EYA3: variants seen among roughly 807,000 people sequenced by gnomAD.
EYA3 encodes protein phosphatase EYA3.
In EYA3, 39 loss-of-function variants were observed where a neutral mutation model predicts 80.0. That is an observed-to-expected ratio of 0.49 (90% CI 0.38 to 0.64). The LOEUF (loss-of-function observed/expected upper bound fraction) is 0.64, where lower values mean the gene tolerates loss of function less well. EYA3 is among the 30% of genes least tolerant of loss of function. EYA3 has a pLI of 0.00. For synonymous variants in EYA3, 206 were observed against 232.8 expected (o/e 0.88, Z 1.05); for missense variants, 523 against 676.1 (o/e 0.77, Z 2.51).
chr1:28,040,847 G>A (rs1375934243), intron 4 of EYA3, among the ~76,000 whole-genome samples: 3 of 146,278 alleles, frequency 2.1e-5, no homozygotes, highest in Non-Finnish European at 3.1e-5. Context: ...AGCCAAGGGC[G>A]GAGGGGCAGG....
intron 12 of EYA3, 124 bp downstream of exon 12, chr1:27,999,836 G>A: frequency 1.6e-6 from 1 of 615,846 alleles, no homozygotes; most frequent in South Asian, 2.7e-5. Flanking sequence ...TGCCTTAGTG[G>A]CCAGCTGGCC....
chr1:28,033,289 T>C (rs1414597515), intron 6 of EYA3, among the ~76,000 whole-genome samples: 1 of 152,170 alleles, frequency 6.6e-6, no homozygotes, highest in Non-Finnish European at 1.5e-5. Context: ...CAAGAAAACA[T>C]CTTTTCAAAA....
chr1:28,042,547 T>C (rs1333722304), intron 4 of EYA3, 24 bp downstream of exon 4: 1 of 1,584,992 alleles, frequency 6.3e-7, no homozygotes, highest in Non-Finnish European at 8.7e-7. Flanking sequence ...ATCTGTTCAA[T>C]CATGCACAGA....
chr1:28,088,130 G>C (rs1191383789), intron 1 of EYA3, among the ~76,000 whole-genome samples: 1 of 151,516 alleles, frequency 6.6e-6, no homozygotes, highest in Non-Finnish European at 1.5e-5. Context: ...ACAATGAGAA[G>C]CTGGGCCGTC....
Position 27,991,790 on chromosome 1 carries a change from A to G in EYA3, c.1303+1610T>C, listed in dbSNP as rs1034082599. On this transcript the variant is annotated intron_variant, in intron 14 of 17. Transcript: ENST00000373871. Reference sequence around the variant, plus strand: ...TACAGCTGGCCATTAATTTTAATCTATTCTCCAAAGTAGGCTCAGAGGATT... The same window carrying G: ...TACAGCTGGCCATTAATTTTAATCTGTTCTCCAAAGTAGGCTCAGAGGATT... 6.6e-5 allele frequency among the ~76,000 whole-genome samples: 10 copies of G among 151,720 alleles called. 1 individual carries two copies. The highest frequency in any genetic ancestry group is 2.4e-4 in the African/African-American group (10 of 40,994).
chr1:28,017,095 G>A, intron 8 of EYA3, 59 bp downstream of exon 8: 10 of 1,438,900 alleles, frequency 6.9e-6, no homozygotes, highest in Middle Eastern at 1.8e-4. Flanking sequence ...ACCATGGAAA[G>A]AAGAAAGAGC....
At chr1:28,055,615 C>A (rs1008364589) in intron 2 of EYA3, among the ~76,000 whole-genome samples, 2 of 152,038 alleles carry the variant, frequency 1.3e-5, no homozygotes, top group African/African-American at 4.8e-5. Flanking sequence ...GGATTACAGG[C>A]AAGTGCCACC....
intron 1 of EYA3, among the ~76,000 whole-genome samples, chr1:28,080,427 A>G (rs2148953471): frequency 6.6e-6 from 1 of 152,306 alleles, no homozygotes; most frequent in East Asian, 1.9e-4. Context: ...ACTACGCTTC[A>G]GCCCAGGTGA....
In EYA3 at chr1:28,009,412, G is replaced by A. The variant is rs892280525; in HGVS notation, c.909+1535C>T. Among the ~76,000 whole-genome samples the A allele has an allele frequency of 1.3e-5, 2 of 152,174 alleles. No individual in the cohort carries two copies. Among genetic ancestry groups the A allele is most frequent in the Admixed American group, 1.3e-4 (2 of 15,262 alleles). On this transcript the variant is annotated intron_variant, in intron 10 of 17. Transcript: ENST00000373871. The surrounding 1 kb of genome is among the most constrained non-coding windows in gnomAD (Gnocchi z 4.8). ...CACGTCTGTAATCCCAGCACTATGG[G>A]AGGCCGAGGCAGGCGGATCACGAGG...
chr1:28,008,161 AAT>A (rs1489377155), intron 10 of EYA3, among the ~76,000 whole-genome samples: 1 of 152,168 alleles, frequency 6.6e-6, no homozygotes, highest in African/African-American at 2.4e-5. Flanking sequence ...ATCATAAGTT[AAT>A]TTTTAATAGG....
At chr1:28,048,294 G>A (rs1449147930) in intron 3 of EYA3, 89 bp downstream of exon 3, 7 of 775,870 alleles carry the variant, frequency 9.0e-6, no homozygotes, top group South Asian at 2.8e-5. Flanking sequence ...CAAAAAGAGG[G>A]CAAAGCATGC....
chr1:27,995,147 AT>A, intron 13 of EYA3, among the ~76,000 whole-genome samples: 1 of 151,406 alleles, frequency 6.6e-6, no homozygotes, highest in Non-Finnish European at 1.5e-5. Flanking sequence ...GCTCATGTCT[AT>A]AATCCCAGCA....
intron 2 of EYA3, among the ~76,000 whole-genome samples, chr1:28,056,205 C>A (rs1340005262): frequency 6.6e-6 from 1 of 152,122 alleles, no homozygotes; most frequent in Non-Finnish European, 1.5e-5. Flanking sequence ...CACACTAAGC[C>A]CCTATTTCTC....
chr1:28,035,695 GA>G lies in EYA3; in HGVS notation c.225-16del, dbSNP rs766449608. ...GTGCATAAGGTCTGGAAAATTTCAT[GA>G]AAACAAAAACTTTTGTGTGATTTAC... On this transcript the variant is annotated splice_polypyrimidine_tract_variant and intron_variant, in intron 5 of 17. Coordinates refer to ENST00000373871, the MANE Select transcript of EYA3 (RefSeq NM_001990.4). 1.9e-6 allele frequency: 3 copies of G among 1,606,582 alleles called. No homozygotes were observed. In the South Asian group the frequency reaches 3.4e-5, roughly 18 times the overall value.
At chr1:28,048,356 A>G in intron 3 of EYA3, 27 bp downstream of exon 3, 1 of 1,565,020 alleles carries the variant, frequency 6.4e-7, no homozygotes. Flanking sequence ...TGAGTAGTTC[A>G]TTAAAAAGAA....
chr1:28,059,609 T>C (rs1034684347), intron 1 of EYA3, among the ~76,000 whole-genome samples: 5 of 152,160 alleles, frequency 3.3e-5, no homozygotes, highest in African/African-American at 1.2e-4. Context: ...CATTTTATAC[T>C]GTCTAAATGT....
intron 2 of EYA3, among the ~76,000 whole-genome samples, chr1:28,050,945 T>C (rs1453503045): frequency 6.6e-6 from 1 of 152,096 alleles, no homozygotes; most frequent in Non-Finnish European, 1.5e-5. Context: ...GTTTACAGAG[T>C]AACATAGTAC....
Position 28,013,357 on chromosome 1 carries a change from G to T in EYA3, c.586-63C>A. On this transcript the variant is annotated intron_variant, in intron 8 of 17. Coordinates refer to ENST00000373871, the MANE Select transcript of EYA3 (RefSeq NM_001990.4). The surrounding 1 kb of genome is among the most constrained non-coding windows in gnomAD (Gnocchi z 4.0). ...AGCATACATTAATCTCAACACAAGA[G>T]GCTTTCTTCTCCCTCTTTCTTATTC... The T allele has an allele frequency of 5.5e-6, 7 of 1,278,798 alleles. No homozygotes were observed. The highest frequency in any genetic ancestry group is 2.2e-4 in the Middle Eastern group (1 of 4,572). The allele number at this position is 1,278,798 out of a possible 1,614,324, so 79.2% of individuals were successfully genotyped here.
At chr1:27,999,012 G>A (rs2148752125) in intron 12 of EYA3, among the ~76,000 whole-genome samples, 1 of 152,212 alleles carries the variant, frequency 6.6e-6, no homozygotes, top group East Asian at 1.9e-4. Context: ...CAAGTGATCT[G>A]CCCGCCTCGG....
Sources: allele counts gnomAD v4.1 joint callset (sites outside exome capture counted in the v4.1 genomes callset), GRCh38; gene constraint gnomAD v4.1.1; non-coding constraint Gnocchi (gnomAD v3.1); transcripts MANE v1.5; gene names NCBI Gene and HGNC (gene_info 2026-07-23, HGNC 2026-07-21).